The following PRIMA1 variants were observed in gnomAD, a reference collection of about 807,000 sequenced individuals.
The protein encoded by PRIMA1 is proline rich membrane anchor 1, also known as proline-rich membrane anchor 1.
Under a neutral mutation model 17.5 loss-of-function variants are expected in PRIMA1, and 7 were observed. The ratio of observed to expected loss-of-function variants is 0.40; its 90% CI spans 0.23 to 0.75. The LOEUF is 0.75. Ranked by LOEUF, PRIMA1 falls within the 30% of genes least tolerant of loss-of-function variation. PRIMA1 has a pLI of 0.37. For missense variants in PRIMA1, 200 were observed against 201.8 expected, an observed-to-expected ratio of 0.99 and a Z score of 0.05; for synonymous variants, 97 against 77.9, an observed-to-expected ratio of 1.25 and a Z score of -1.29.
Position 93,729,521 on chromosome 14 carries a change from T to C in PRIMA1, c.359+7720A>G, listed in dbSNP as rs939799150. On this transcript the variant is annotated intron_variant, in intron 4 of 4. Coordinates refer to ENST00000393140, the MANE Select transcript of PRIMA1 (RefSeq NM_178013.4). ...AGGTGAATTTCTTGCTCCTGGAAGT[T>C]TGTGGTGAGTTGAGGGTGGATGGAG... 4.6e-5 allele frequency among the ~76,000 whole-genome samples: 7 copies of C among 152,196 alleles called. No homozygotes were observed. In the South Asian group the frequency reaches 1.0e-3, roughly 23 times the overall value.
chr14:93,736,317 C>T (rs1454652808), intron 4 of PRIMA1, among the ~76,000 whole-genome samples: 1 of 152,206 alleles, frequency 6.6e-6, no homozygotes, highest in African/African-American at 2.4e-5. Context: ...CTCCTTAGAA[C>T]CTCAACCTCC....
At chr14:93,757,206 GGAAGGAAGGAAGGAAGGAAGGAAA>G (rs974098109) in intron 3 of PRIMA1, among the ~76,000 whole-genome samples, 11 of 151,696 alleles carry the variant, frequency 7.3e-5, no homozygotes, top group African/African-American at 1.9e-4. Flanking sequence ...AAAAAAGGAA[GGAAGGAAGGAAGGAAGGAAGGAAA>G]GAAGGAAGGA....
intron 3 of PRIMA1, among the ~76,000 whole-genome samples, chr14:93,774,972 T>G (rs911717481): frequency 1.3e-5 from 2 of 152,210 alleles, no homozygotes; most frequent in Admixed American, 1.3e-4. Flanking sequence ...CACGCCAACA[T>G]AGGCTAAAGA....
chr14:93,745,486 C>G (rs2076211412), intron 3 of PRIMA1, among the ~76,000 whole-genome samples: 1 of 152,236 alleles, frequency 6.6e-6, no homozygotes, highest in Non-Finnish European at 1.5e-5. Flanking sequence ...TTTCAGGCCC[C>G]CAGCCCCAGC....
chr14:93,743,190 T>C (rs933905338), intron 3 of PRIMA1, among the ~76,000 whole-genome samples: 2 of 152,204 alleles, frequency 1.3e-5, no homozygotes, highest in Non-Finnish European at 2.9e-5. Context: ...ACCCTGTGAG[T>C]GGCAGCCCAC....
chr14:93,782,826 T>G (rs1885420998), intron 2 of PRIMA1, among the ~76,000 whole-genome samples: 1 of 152,228 alleles, frequency 6.6e-6, no homozygotes, highest in South Asian at 2.1e-4. Context: ...CTGCCTCGAC[T>G]CTGGGTTACT....
At position 93,721,464 on chromosome 14, in the gene PRIMA1, C is replaced by G. The variant is rs140016687; in HGVS notation, c.442G>C (p.Val148Leu). The change falls in exon 5 of 5, where the codon GTG (valine) becomes CTG (leucine). Residue 148 changes from valine to leucine, a missense_variant. Val to Leu is a conservative substitution (Grantham distance 32). Transcript: ENST00000393140. ...SASQSNKGVD[V>L]NNAVV ...CAGACTCACACCACTGCGTTGTTCA[C>G]GTCTACTCCTTTGTTGCTCTGCGAA... is the stretch of plus-strand genomic sequence containing the variant. 1 of 1,613,106 alleles carries G rather than the reference C, an allele frequency of 6.2e-7. No individual in the cohort carries two copies.
At chr14:93,758,040 G>A (rs552269897) in intron 3 of PRIMA1, among the ~76,000 whole-genome samples, 1 of 152,228 alleles carries the variant, frequency 6.6e-6, no homozygotes, top group East Asian at 1.9e-4. Flanking sequence ...AGATACGGGG[G>A]GGTTCCCATG....
rs1206725656 is a variant in PRIMA1, at chr14:93,719,914, A to C, written c.*1530T>G. ...ACCTGGGCAGGACAATGACACACAG[A>C]CAGCTCCGTGGGCACTAGGACTCTG... On this transcript the variant is annotated 3_prime_UTR_variant, in exon 5 of 5. Coordinates refer to ENST00000393140, the MANE Select transcript of PRIMA1 (RefSeq NM_178013.4). 1 of 152,256 alleles carries C rather than the reference A, an allele frequency of 6.6e-6. No individual in the cohort carries two copies. The highest frequency in any genetic ancestry group is 6.5e-5 in the Admixed American group (1 of 15,282). 9.4% of individuals were successfully genotyped at this position (152,256 alleles called of 1,614,324 possible).
intron 3 of PRIMA1, among the ~76,000 whole-genome samples, chr14:93,741,058 C>T (rs1236901991): frequency 1.3e-5 from 2 of 152,182 alleles, no homozygotes; most frequent in East Asian, 1.9e-4. Flanking sequence ...CACTTATCAC[C>T]GCATGTGTAT....
intron 3 of PRIMA1, among the ~76,000 whole-genome samples, chr14:93,774,263 C>T (rs902864699): frequency 6.6e-6 from 1 of 152,176 alleles, no homozygotes; most frequent in Non-Finnish European, 1.5e-5. Context: ...TTTCCTGGGG[C>T]ACAGGACCTT....
At chr14:93,765,250 G>C (rs149786494) in intron 3 of PRIMA1, among the ~76,000 whole-genome samples, 1 of 151,738 alleles carries the variant, frequency 6.6e-6, no homozygotes, top group East Asian at 1.9e-4. Flanking sequence ...TTCCAGAGTT[G>C]ATCTTTCATC....
chr14:93,787,941 T>C (rs1885574059), intron 1 of PRIMA1, among the ~76,000 whole-genome samples, 192 bp from the exon 2 acceptor site: 1 of 152,130 alleles, frequency 6.6e-6, no homozygotes, highest in African/African-American at 2.4e-5. Flanking sequence ...TTCACACTCT[T>C]CTTACGCACA....
chr14:93,765,541 C>T (rs892211003), intron 3 of PRIMA1, among the ~76,000 whole-genome samples: 25 of 151,484 alleles, frequency 1.7e-4, no homozygotes, highest in South Asian at 4.2e-4. Context: ...CCTTTTGACC[C>T]TCTCATCAGC....
chr14:93,771,032 A>C (rs1348085025), intron 3 of PRIMA1, among the ~76,000 whole-genome samples: 2 of 147,884 alleles, frequency 1.4e-5, no homozygotes, highest in Non-Finnish European at 3.0e-5. Context: ...ACAAAAGAAA[A>C]TGAAAAATTC....
At chr14:93,784,706 C>T (rs1036962140) in intron 2 of PRIMA1, among the ~76,000 whole-genome samples, 3 of 152,172 alleles carry the variant, frequency 2.0e-5, no homozygotes, top group Admixed American at 2.0e-4. Flanking sequence ...TGCATCCTAA[C>T]TTCTCATCCT....
In PRIMA1 at chr14:93,723,177, C is replaced by T. The variant is rs138790519; in HGVS notation, c.360-1631G>A. ...GTAGCCCAATTCCATGCCACAATTC[C>T]GCTATCTCATCCCCACGGGGCTGTA... On this transcript the variant is annotated intron_variant, in intron 4 of 4. Coordinates refer to ENST00000393140, the MANE Select transcript of PRIMA1 (RefSeq NM_178013.4). Among the ~76,000 whole-genome samples the T allele has an allele frequency of 6.5e-3, 985 of 152,236 alleles. 9 individuals are homozygous for T. Among genetic ancestry groups the T allele is most frequent in the African/African-American group, 0.021 (891 of 41,522 alleles).
chr14:93,723,091 G>A (rs2076052867), intron 4 of PRIMA1, among the ~76,000 whole-genome samples: 1 of 152,052 alleles, frequency 6.6e-6, no homozygotes, highest in African/African-American at 2.4e-5. Flanking sequence ...AAGTTGTTCA[G>A]GAGGGCTCTG....
At chr14:93,757,257 T>C (rs2076297248) in intron 3 of PRIMA1, among the ~76,000 whole-genome samples, 1 of 151,968 alleles carries the variant, frequency 6.6e-6, no homozygotes, top group Non-Finnish European at 1.5e-5. Context: ...GGAGTCCTCT[T>C]ACTTAATGGC....
Sources: allele counts gnomAD v4.1 joint callset (sites outside exome capture counted in the v4.1 genomes callset), GRCh38; gene constraint gnomAD v4.1.1; transcripts MANE v1.5; gene names NCBI Gene and HGNC (gene_info 2026-07-23, HGNC 2026-07-21).